Variants in NCAM2 observed in about 807,000 individuals in gnomAD.
The protein encoded by NCAM2 is neural cell adhesion molecule 2, also known as N-CAM-2.
Under a neutral mutation model 98.1 loss-of-function variants are expected in NCAM2, and 30 were observed. The ratio of observed to expected loss-of-function variants is 0.31; its 90% CI spans 0.23 to 0.41. The LOEUF (loss-of-function observed/expected upper bound fraction) is 0.41, where lower values mean the gene tolerates loss of function less well. Ranked by LOEUF, NCAM2 falls within the 10% of genes least tolerant of loss-of-function variation. The probability of loss-of-function intolerance (pLI) is 1.00; values close to 1 mark genes in which losing one functional copy is unlikely to be tolerated. For missense variants in NCAM2, 867 were observed against 1,005.8 expected (o/e 0.86, Z 1.87); for synonymous variants, 368 against 342.4 (o/e 1.07, Z -0.83).
chr21:21,106,546 C>T (rs2066353725), intron 1 of NCAM2, among the ~76,000 whole-genome samples: 1 of 151,780 alleles, frequency 6.6e-6, no homozygotes, highest in Non-Finnish European at 1.5e-5. Context: ...AATTTCATTA[C>T]ATTTGTCATT....
intron 1 of NCAM2, among the ~76,000 whole-genome samples, chr21:21,218,995 A>C (rs1290078284): frequency 2.0e-5 from 3 of 152,226 alleles, no homozygotes; most frequent in African/African-American, 7.2e-5. Flanking sequence ...GTGAGCTGAA[A>C]TCGTGCCATT....
chr21:21,258,984 C>T (rs779702539), intron 1 of NCAM2, among the ~76,000 whole-genome samples: 4 of 152,178 alleles, frequency 2.6e-5, no homozygotes, highest in Non-Finnish European at 2.9e-5. Context: ...CTGACGGCCA[C>T]GAACAGATGT....
At chr21:21,249,472 T>G (rs926031298) in intron 1 of NCAM2, among the ~76,000 whole-genome samples, 8 of 152,176 alleles carry the variant, frequency 5.3e-5, no homozygotes, top group Admixed American at 1.3e-4. Context: ...ATCATTAGGA[T>G]GAGCTCCATC....
intron 5 of NCAM2, among the ~76,000 whole-genome samples, chr21:21,315,050 A>T (rs1328286833): frequency 6.6e-6 from 1 of 152,128 alleles, no homozygotes; most frequent in Admixed American, 6.5e-5. Context: ...TTATTTCAGT[A>T]TTACGGAAAA....
Position 21,120,910 on chromosome 21 carries a change from G to C in NCAM2, c.55+122292G>C, listed in dbSNP as rs1476355094. ...ATTTTTTATTTTTAGTAGAGATGGG[G>C]TTTCAGCATCTTGACCAGGCTGGTC... is the stretch of plus-strand genomic sequence containing the variant. On this transcript the variant is annotated intron_variant, in intron 1 of 17. Transcript: ENST00000400546. 3.9e-5 allele frequency among the ~76,000 whole-genome samples: 6 copies of C among 151,940 alleles called. No homozygotes were observed. In the East Asian group the frequency reaches 1.2e-3, roughly 29 times the overall value.
chr21:21,365,688 A>C (rs1201554602), intron 8 of NCAM2, among the ~76,000 whole-genome samples: 1 of 152,000 alleles, frequency 6.6e-6, no homozygotes, highest in Non-Finnish European at 1.5e-5. Context: ...AGATACAGAA[A>C]AGCACAAGCA....
At chr21:21,004,202 A>G (rs1026829435) in intron 1 of NCAM2, among the ~76,000 whole-genome samples, 3 of 152,204 alleles carry the variant, frequency 2.0e-5, no homozygotes, top group African/African-American at 7.2e-5. Context: ...AAATATATTT[A>G]AATTCTGTGC....
intron 1 of NCAM2, among the ~76,000 whole-genome samples, chr21:21,246,012 G>T (rs1233659023): frequency 2.6e-5 from 4 of 152,206 alleles, no homozygotes; most frequent in Admixed American, 2.0e-4. Flanking sequence ...GGTGTGGATT[G>T]TACTTAATGA....
chr21:21,314,003 C>T (rs2074139422), intron 5 of NCAM2, among the ~76,000 whole-genome samples: 1 of 152,018 alleles, frequency 6.6e-6, no homozygotes, highest in Non-Finnish European at 1.5e-5. Context: ...ATTATACCTC[C>T]ATTCATTGAA....
intron 11 of NCAM2, among the ~76,000 whole-genome samples, chr21:21,431,172 G>GAA (rs146739006): frequency 4.1e-5 from 6 of 146,998 alleles, no homozygotes; most frequent in African/African-American, 1.0e-4. Flanking sequence ...TTCCCTCTCT[G>GAA]AAAAAAAATT....
At chr21:21,051,975 A>G (rs1341470910) in intron 1 of NCAM2, among the ~76,000 whole-genome samples, 6 of 152,116 alleles carry the variant, frequency 3.9e-5, no homozygotes, top group East Asian at 1.9e-4. Flanking sequence ...TTTTTATTCA[A>G]CTTTCATTTT....
intron 1 of NCAM2, among the ~76,000 whole-genome samples, chr21:21,018,130 A>C (rs566368795): frequency 9.9e-5 from 15 of 152,204 alleles, no homozygotes; most frequent in African/African-American, 3.6e-4. Flanking sequence ...ACTGAAGACT[A>C]ATTAGCCAGT....
intron 1 of NCAM2, among the ~76,000 whole-genome samples, chr21:21,097,004 T>C (rs1267311044): frequency 6.6e-6 from 1 of 151,790 alleles, no homozygotes; most frequent in East Asian, 1.9e-4. Context: ...TCCATTTACC[T>C]TTGATTTCAA....
intron 1 of NCAM2, among the ~76,000 whole-genome samples, chr21:21,057,647 C>T (rs1162368449): frequency 1.3e-5 from 2 of 152,096 alleles, no homozygotes; most frequent in Non-Finnish European, 2.9e-5. Flanking sequence ...TGCTTTTGGG[C>T]CCTTCTCCAT....
At chr21:21,509,130 G>A (rs1988195707) in intron 16 of NCAM2, 75 bp downstream of exon 16, 10 of 1,438,724 alleles carry the variant, frequency 7.0e-6, no homozygotes, top group Admixed American at 1.7e-5. Flanking sequence ...ACCTGAGGGC[G>A]TTGTAGGGTA....
chr21:21,158,558 T>G (rs879827092), intron 1 of NCAM2, among the ~76,000 whole-genome samples: 5 of 150,930 alleles, frequency 3.3e-5, no homozygotes, highest in Admixed American at 6.6e-5. Flanking sequence ...TAGGCTGAGA[T>G]CGCACCACTG....
chr21:21,398,404 C>G (rs1325614613), intron 9 of NCAM2, among the ~76,000 whole-genome samples: 1 of 151,906 alleles, frequency 6.6e-6, no homozygotes, highest in Non-Finnish European at 1.5e-5. Flanking sequence ...TCCCCAAAAA[C>G]CTATTGAAAT....
At chr21:21,359,615 A>T (rs1160479783) in intron 8 of NCAM2, among the ~76,000 whole-genome samples, 1 of 151,934 alleles carries the variant, frequency 6.6e-6, no homozygotes, top group Non-Finnish European at 1.5e-5. Context: ...CAATTTTATG[A>T]TAGTTGTTTG....
chr21:21,149,929 C>G (rs1438693100), intron 1 of NCAM2, among the ~76,000 whole-genome samples: 1 of 151,992 alleles, frequency 6.6e-6, no homozygotes, highest in East Asian at 1.9e-4. Flanking sequence ...GGGTATATAG[C>G]CCGTAATGGG....
Sources: allele counts gnomAD v4.1 joint callset (sites outside exome capture counted in the v4.1 genomes callset), GRCh38; gene constraint gnomAD v4.1.1; transcripts MANE v1.5; gene names NCBI Gene and HGNC (gene_info 2026-07-23, HGNC 2026-07-21).